Variants in MTIF2 observed in about 807,000 individuals in gnomAD.
MTIF2 encodes translation initiation factor IF-2, mitochondrial.
Under a neutral mutation model 83.5 loss-of-function variants are expected in MTIF2, and 71 were observed. That is an observed-to-expected ratio of 0.85 (90% CI 0.70 to 1.04). The LOEUF (loss-of-function observed/expected upper bound fraction) is 1.04. MTIF2 is among the 50% of genes least tolerant of loss of function. The probability of loss-of-function intolerance (pLI) is 0.00; values close to 1 mark genes in which losing one functional copy is unlikely to be tolerated. For synonymous variants in MTIF2, 319 were observed against 287.1 expected, an observed-to-expected ratio of 1.11 and a Z score of -1.12; for missense variants, 957 against 846.5, an observed-to-expected ratio of 1.13 and a Z score of -1.62.
intron 8 of MTIF2, 131 bp from the exon 9 acceptor site, chr2:55,249,665 A>T: frequency 1.0e-6 from 1 of 996,298 alleles, no homozygotes; most frequent in Non-Finnish European, 1.5e-6. Flanking sequence ...ACAAAAGGCC[A>T]AAATGACCCA....
At chr2:55,263,961 G>A in intron 3 of MTIF2, 96 bp from the exon 4 acceptor site, 1 of 897,190 alleles carries the variant, frequency 1.1e-6, no homozygotes, top group Admixed American at 2.2e-5. Context: ...ACTACACTTA[G>A]CTCACTAGAC....
intron 14 of MTIF2, among the ~76,000 whole-genome samples, chr2:55,238,497 T>A (rs12988617): frequency 1.3e-5 from 2 of 150,866 alleles, no homozygotes; most frequent in Non-Finnish European, 1.5e-5. Context: ...GTTCAAGCGA[T>A]TCTCCTGCCT....
intron 5 of MTIF2, among the ~76,000 whole-genome samples, chr2:55,261,161 T>G (rs72799507): frequency 0.7 from 105,930 of 151,724 alleles, 38,235 homozygotes; most frequent in Non-Finnish European, 0.79. Context: ...TAATTTTTTT[T>G]GTATTTTTAG....
intron 10 of MTIF2, among the ~76,000 whole-genome samples, chr2:55,245,927 A>G (rs903075649): frequency 2.0e-5 from 3 of 152,202 alleles, no homozygotes; most frequent in African/African-American, 7.2e-5. Context: ...GGAAAATTCA[A>G]GCACACCACT....
chr2:55,268,037 G>A (rs1247005431), intron 2 of MTIF2, among the ~76,000 whole-genome samples: 1 of 152,106 alleles, frequency 6.6e-6, no homozygotes, highest in African/African-American at 2.4e-5. Flanking sequence ...CGGATCACCT[G>A]AGGTCAGGAG....
At position 55,262,317 on chromosome 2, in the gene MTIF2, T is replaced by C; in HGVS notation, c.330A>G (p.Thr110=). Residue 110 remains threonine (T), a splice_region_variant and synonymous_variant, in exon 5 of 16, where the codon ACA becomes ACG. Transcript: ENST00000263629. The stretch of plus-strand genomic sequence containing the variant: ...GCTTTGTAAAAATATCTGACTCACC[T>C]GTGTTTTTTTCCATTGCCCTGGCCA... ...EELARAMEKN[T]DYVYEALLNT... The C allele has an allele frequency of 3.7e-6, 6 of 1,601,410 alleles. No homozygotes were observed. Among genetic ancestry groups the C allele is most frequent in the Non-Finnish European group, 5.1e-6 (6 of 1,169,712 alleles).
At chr2:55,250,372 C>T (rs1317836677) in intron 8 of MTIF2, among the ~76,000 whole-genome samples, 1 of 150,702 alleles carries the variant, frequency 6.6e-6, no homozygotes, top group African/African-American at 2.5e-5. Context: ...AAGGCCTATC[C>T]TTAAACCTAA....
At chr2:55,252,274 T>C (rs1677152266) in intron 8 of MTIF2, among the ~76,000 whole-genome samples, 1 of 152,212 alleles carries the variant, frequency 6.6e-6, no homozygotes, top group Admixed American at 6.5e-5. Context: ...TGGTCTGTAC[T>C]TATGGTCACA....
At chr2:55,267,527 G>A (rs1678529931) in intron 3 of MTIF2, 42 bp downstream of exon 3, 1 of 164,258 alleles carries the variant, frequency 6.1e-6, no homozygotes, top group Non-Finnish European at 1.5e-5. Context: ...AGCAAAGAAA[G>A]TATCTTATTA....
intron 8 of MTIF2, among the ~76,000 whole-genome samples, chr2:55,250,180 C>A (rs972599586): frequency 6.6e-6 from 1 of 152,070 alleles, no homozygotes; most frequent in African/African-American, 2.4e-5. Context: ...ACCAAAATCC[C>A]GGCATACTCA....
At position 55,249,456 on chromosome 2, in the gene MTIF2, T is replaced by C; in HGVS notation, c.920A>G (p.Tyr307Cys). 1.2e-6 allele frequency: 2 copies of C among 1,614,180 alleles called. No homozygotes were observed. Among genetic ancestry groups the C allele is most frequent in the East Asian group, 2.2e-5 (1 of 44,890 alleles). Residue 307 changes from tyrosine to cysteine, a missense_variant, in exon 9 of 16, where the codon TAC (tyrosine) becomes TGC (cysteine). Tyr to Cys is a radical substitution (Grantham distance 194, BLOSUM62 -2). This residue lies in a region of MTIF2 where 733 missense variants were observed against 648.7 expected (regional missense o/e 1.13). Transcript: ENST00000263629. ...PEKVKKELLA[Y>C]DVVCEDYGGD... Reference sequence around the variant, plus strand: ...TCCATAATCTTCACATACCACATCGTAAGCCAGCAGCTCTTTTTTCACTTT... The same window carrying C: ...TCCATAATCTTCACATACCACATCGCAAGCCAGCAGCTCTTTTTTCACTTT...
chr2:55,267,975 G>A (rs1257186314), intron 2 of MTIF2, among the ~76,000 whole-genome samples: 4 of 152,058 alleles, frequency 2.6e-5, no homozygotes, highest in Non-Finnish European at 2.9e-5. Flanking sequence ...AATTCAGGCT[G>A]GGCGTGATGG....
chr2:55,237,648 TC>T (rs1303563003), intron 14 of MTIF2, among the ~76,000 whole-genome samples: 2 of 85,588 alleles, frequency 2.3e-5, no homozygotes, highest in Admixed American at 1.8e-4. Context: ...TTTCTTTTTT[TC>T]TTTTTTTTTT....
chr2:55,243,801 A>C (rs1676499739), intron 11 of MTIF2, 133 bp from the exon 12 acceptor site: 1 of 1,099,008 alleles, frequency 9.1e-7, no homozygotes, highest in Middle Eastern at 2.4e-4. Context: ...AGTTTCAAGA[A>C]ACATGTAAAA....
intron 3 of MTIF2, among the ~76,000 whole-genome samples, chr2:55,267,312 A>G (rs1322791330): frequency 6.6e-6 from 1 of 151,734 alleles, no homozygotes; most frequent in African/African-American, 2.4e-5. Flanking sequence ...GCCTGCCAGC[A>G]CACCCGGCTA....
chr2:55,267,318 G>A (rs1047948149), intron 3 of MTIF2, among the ~76,000 whole-genome samples: 14 of 151,714 alleles, frequency 9.2e-5, no homozygotes, highest in African/African-American at 3.1e-4. Flanking sequence ...CAGCACACCC[G>A]GCTAATTATT....
intron 4 of MTIF2, among the ~76,000 whole-genome samples, chr2:55,263,028 A>G (rs781349585): frequency 6.6e-6 from 1 of 151,612 alleles, no homozygotes. Flanking sequence ...CACCTGGCCT[A>G]ATTTTTGTAT....
At chr2:55,251,716 C>A (rs143332071) in intron 8 of MTIF2, among the ~76,000 whole-genome samples, 1 of 152,142 alleles carries the variant, frequency 6.6e-6, no homozygotes, top group Non-Finnish European at 1.5e-5. Flanking sequence ...CTCCACCTCC[C>A]GGGTTCAAGT....
At chr2:55,259,641 A>G (rs1677808189) in intron 5 of MTIF2, among the ~76,000 whole-genome samples, 1 of 152,188 alleles carries the variant, frequency 6.6e-6, no homozygotes, top group Non-Finnish European at 1.5e-5. Flanking sequence ...TTTGTCTGAT[A>G]ATTGCTAATA....
Sources: allele counts gnomAD v4.1 joint callset (sites outside exome capture counted in the v4.1 genomes callset), GRCh38; gene constraint gnomAD v4.1.1; regional missense constraint gnomAD v4.1.1; transcripts MANE v1.5; gene names NCBI Gene and HGNC (gene_info 2026-07-23, HGNC 2026-07-21).